Variants in AKAP7 observed in about 807,000 individuals in gnomAD.
The protein encoded by AKAP7 is A-kinase anchoring protein 7, also known as A kinase (PRKA) anchor protein 7.
AKAP7 carries 39 observed loss-of-function variants against 39.5 expected under a neutral mutation model. The ratio of observed to expected loss-of-function variants is 0.99; its 90% CI spans 0.76 to 1.29. The LOEUF (loss-of-function observed/expected upper bound fraction) is 1.29, where lower values mean the gene tolerates loss of function less well. Among genes scored for constraint, AKAP7 ranks in the 50% most tolerant of loss-of-function variants. The pLI, the probability that AKAP7 is intolerant of heterozygous loss-of-function variation, is 0.00. For missense variants in AKAP7, 414 were observed against 407.7 expected (o/e 1.02, Z -0.13); for synonymous variants, 140 against 139.1 (o/e 1.01, Z -0.05).
At chr6:131,242,195 T>C in intron 7 of AKAP7, 1 of 984,482 alleles carries the variant, frequency 1.0e-6, no homozygotes, top group South Asian at 4.7e-5. Context: ...GTGAGTATTT[T>C]ATCTTGATTC....
intron 7 of AKAP7, among the ~76,000 whole-genome samples, chr6:131,265,763 A>C (rs546804323): frequency 6.6e-6 from 1 of 152,272 alleles, no homozygotes; most frequent in African/African-American, 2.4e-5. Flanking sequence ...TCACTTTGTC[A>C]GTTTTTAGTT....
At chr6:131,265,436 T>C (rs1813705614) in intron 7 of AKAP7, among the ~76,000 whole-genome samples, 2 of 152,152 alleles carry the variant, frequency 1.3e-5, no homozygotes, top group Admixed American at 1.3e-4. Flanking sequence ...ATTTTCTTAC[T>C]TAATTTTGAC....
chr6:131,253,077 C>T (rs113888160), intron 7 of AKAP7: 42 of 1,613,648 alleles, frequency 2.6e-5, no homozygotes, highest in African/African-American at 2.4e-4. Flanking sequence ...TACAGAGATA[C>T]AGCAAGGATA....
rs766878118 is a variant in AKAP7, at chr6:131,165,114, A to G, written c.325A>G (p.Ile109Val). ...IKGIKILQNA[I>V]IQQDERLAKA... is the part of the protein sequence containing the mutation. Reference sequence around the variant, plus strand: ...AGGAATTAAGATCCTGCAGAATGCAATAATACAACAAGATGAGCGACTGGC... The same window carrying G: ...AGGAATTAAGATCCTGCAGAATGCAGTAATACAACAAGATGAGCGACTGGC... Residue 109 changes from isoleucine to valine, a missense_variant, in exon 4 of 8, where the codon ATA (isoleucine) becomes GTA (valine). Coordinates refer to ENST00000431975, the MANE Select transcript of AKAP7 (RefSeq NM_016377.4). 14 of 1,611,674 alleles carry G rather than the reference A, an allele frequency of 8.7e-6. No homozygotes were observed. In the East Asian group the frequency reaches 2.7e-4, roughly 31 times the overall value.
intron 7 of AKAP7, chr6:131,250,440 C>T (rs1409729536): frequency 1.3e-5 from 20 of 1,502,676 alleles, no homozygotes; most frequent in Non-Finnish European, 1.7e-5. Context: ...ATTGGCTCTT[C>T]AAGCTGCCTG....
intron 2 of AKAP7, among the ~76,000 whole-genome samples, chr6:131,148,854 AT>A (rs1235495042): frequency 6.6e-6 from 1 of 152,176 alleles, no homozygotes; most frequent in Non-Finnish European, 1.5e-5. Flanking sequence ...TTTCTTGTAC[AT>A]TTAGTAATCA....
At position 131,261,530 on chromosome 6, in the gene AKAP7, A is replaced by AGAT. The variant is rs558420825; in HGVS notation, c.851-19998_851-19996dup. On this transcript the variant is annotated intron_variant, in intron 7 of 7. Coordinates refer to ENST00000431975, the MANE Select transcript of AKAP7 (RefSeq NM_016377.4). Reference sequence around the variant, plus strand: ...GTAAATTTAACATAAAAATTCATTGAGATGCTATTATATACCCAGTACTGT... The same window carrying AGAT: ...GTAAATTTAACATAAAAATTCATTGAGATGATGCTATTATATACCCAGTACTGT... 5.8e-3 allele frequency among the ~76,000 whole-genome samples: 877 copies of AGAT among 152,302 alleles called. 4 individuals carry two copies. The highest frequency in any genetic ancestry group is 0.014 in the South Asian group (67 of 4,818).
chr6:131,145,091 A>C (rs977535771), intron 1 of AKAP7, among the ~76,000 whole-genome samples, 194 bp from the exon 2 acceptor site: 1 of 152,024 alleles, frequency 6.6e-6, no homozygotes, highest in African/African-American at 2.4e-5. Context: ...AAGCTTTATA[A>C]GTGTACAAAA....
At chr6:131,231,473 G>GA (rs1029699885) in intron 7 of AKAP7, among the ~76,000 whole-genome samples, 12 of 151,808 alleles carry the variant, frequency 7.9e-5, no homozygotes, top group African/African-American at 2.7e-4. Context: ...AGGGAACAGT[G>GA]AAAAAACAGT....
At chr6:131,201,861 A>G (rs9321277) in intron 6 of AKAP7, among the ~76,000 whole-genome samples, 71,160 of 151,826 alleles carry the variant, frequency 0.47, 17,015 homozygotes, top group East Asian at 0.68. Flanking sequence ...TCGTTTCCCC[A>G]TTGCTTGTTT....
chr6:131,270,743 A>G (rs557696152), intron 7 of AKAP7, among the ~76,000 whole-genome samples: 13 of 152,296 alleles, frequency 8.5e-5, no homozygotes, highest in African/African-American at 2.2e-4. Context: ...AGTATTGTCT[A>G]TCTTTTTAAT....
At chr6:131,184,385 G>A in intron 5 of AKAP7, 1 of 665,568 alleles carries the variant, frequency 1.5e-6, no homozygotes, top group Non-Finnish European at 2.9e-6. Flanking sequence ...CCAGACACAG[G>A]TGGCACCTCC....
At chr6:131,209,437 A>G (rs1003045890) in intron 6 of AKAP7, among the ~76,000 whole-genome samples, 3 of 151,976 alleles carry the variant, frequency 2.0e-5, no homozygotes, top group Non-Finnish European at 2.9e-5. Flanking sequence ...TTTTTAGTAG[A>G]GACGGGATTT....
chr6:131,273,753 T>C (rs1814500366), intron 7 of AKAP7, among the ~76,000 whole-genome samples: 1 of 152,204 alleles, frequency 6.6e-6, no homozygotes, highest in Non-Finnish European at 1.5e-5. Context: ...TCTTTTTGTT[T>C]CTGAGTAGAT....
chr6:131,264,244 G>GTAGA (rs147431175), intron 7 of AKAP7, among the ~76,000 whole-genome samples: 199 of 152,278 alleles, frequency 1.3e-3, no homozygotes, highest in African/African-American at 4.5e-3. Flanking sequence ...GTGTTCTCAG[G>GTAGA]TAGATAGTAC....
intron 7 of AKAP7, among the ~76,000 whole-genome samples, chr6:131,276,284 T>G (rs548600915): frequency 6.6e-6 from 1 of 152,038 alleles, no homozygotes. Flanking sequence ...GGGGGTGAGT[T>G]TTGGTTTTTG....
At chr6:131,162,998 C>A (rs1419492846) in intron 3 of AKAP7, among the ~76,000 whole-genome samples, 1 of 140,918 alleles carries the variant, frequency 7.1e-6, no homozygotes, top group South Asian at 2.7e-4. Context: ...CACGCTCTTT[C>A]GCTCTCGCTC....
At chr6:131,236,227 T>C (rs1228305966) in intron 7 of AKAP7, among the ~76,000 whole-genome samples, 1 of 152,164 alleles carries the variant, frequency 6.6e-6, no homozygotes, top group Admixed American at 6.5e-5. Flanking sequence ...ATATGCGGCA[T>C]TATTTCTGAG....
chr6:131,281,865 A>T lies in AKAP7; in HGVS notation c.*139A>T. The stretch of plus-strand genomic sequence containing the variant: ...TGAAGATTGCCTAATACTTTTCATG[A>T]TCGATGTGTTCGCATTGCTGAAACA... On this transcript the variant is annotated 3_prime_UTR_variant, in exon 8 of 8. Transcript: ENST00000431975. This position sits in a 1 kb window ranked among gnomAD's most constrained non-coding sequence, Gnocchi z 4.0. The T allele has an allele frequency of 7.8e-7, 1 of 1,282,414 alleles. No homozygotes were observed. Among genetic ancestry groups the T allele is most frequent in the East Asian group, 3.1e-5 (1 of 32,482 alleles). 79.4% of individuals were successfully genotyped at this position (1,282,414 alleles called of 1,614,324 possible).
Sources: allele counts gnomAD v4.1 joint callset (sites outside exome capture counted in the v4.1 genomes callset), GRCh38; gene constraint gnomAD v4.1.1; non-coding constraint Gnocchi (gnomAD v3.1); transcripts MANE v1.5; gene names NCBI Gene and HGNC (gene_info 2026-07-23, HGNC 2026-07-21).